ANKRD33B: variants seen among roughly 807,000 people sequenced by gnomAD.
ANKRD33B encodes the protein ankyrin repeat domain 33B.
In ANKRD33B, 6 loss-of-function variants were observed where a neutral mutation model predicts 21.5. The ratio of observed to expected loss-of-function variants is 0.28; its 90% CI spans 0.15 to 0.55. The LOEUF (loss-of-function observed/expected upper bound fraction) is 0.55. ANKRD33B is among the 20% of genes least tolerant of loss of function. The probability of loss-of-function intolerance (pLI) is 0.94; values close to 1 mark genes in which losing one functional copy is unlikely to be tolerated. For missense variants in ANKRD33B, 698 were observed against 747.2 expected (o/e 0.93, Z 0.77); for synonymous variants, 347 against 342.4 (o/e 1.01, Z -0.15).
intron 1 of ANKRD33B, among the ~76,000 whole-genome samples, chr5:10,592,432 G>A (rs1177093448): frequency 7.3e-6 from 1 of 137,182 alleles, no homozygotes; most frequent in Non-Finnish European, 1.5e-5. Context: ...GGCCAACATG[G>A]TGAAACCCCA....
At chr5:10,624,193 A>G (rs1481084531) in intron 2 of ANKRD33B, among the ~76,000 whole-genome samples, 1 of 145,792 alleles carries the variant, frequency 6.9e-6, no homozygotes, top group Non-Finnish European at 1.5e-5. Flanking sequence ...GCAGTGGCAC[A>G]ATCTCAGCTC....
intron 2 of ANKRD33B, among the ~76,000 whole-genome samples, chr5:10,637,456 A>G (rs1736896523): frequency 7.4e-6 from 1 of 134,418 alleles, no homozygotes; most frequent in South Asian, 2.9e-4. Context: ...ACACACACAC[A>G]CACACACGGC....
Position 10,638,158 on chromosome 5 carries a change from G to A in ANKRD33B, c.627G>A (p.Leu209=). The part of the protein sequence containing the change: ...MQGRTDCIRA[L]MLAGADVHAR... Reference sequence around the variant, plus strand: ...GTCGAACGGACTGCATCCGAGCCCTGATGCTAGCAGGTATGTCCACCTGTC... The same window carrying A: ...GTCGAACGGACTGCATCCGAGCCCTAATGCTAGCAGGTATGTCCACCTGTC... Residue 209 remains leucine (L), a synonymous_variant, in exon 3 of 4, where the codon CTG becomes CTA. Coordinates refer to ENST00000296657, the MANE Select transcript of ANKRD33B (RefSeq NM_001164440.2). 6.5e-7 allele frequency: 1 copy of A among 1,537,400 alleles called. No individual in the cohort carries two copies. The highest frequency in any genetic ancestry group is 8.7e-7 in the Non-Finnish European group (1 of 1,146,908).
chr5:10,609,168 T>C (rs940058659), intron 1 of ANKRD33B, among the ~76,000 whole-genome samples: 2 of 152,242 alleles, frequency 1.3e-5, no homozygotes, highest in Non-Finnish European at 2.9e-5. Flanking sequence ...TTGATTACAT[T>C]TTGAAATGGT....
chr5:10,597,112 C>T (rs1017919717), intron 1 of ANKRD33B, among the ~76,000 whole-genome samples: 9 of 152,140 alleles, frequency 5.9e-5, no homozygotes, highest in African/African-American at 1.9e-4. Context: ...AGACAAGTGA[C>T]ACTATGAGGC....
intron 1 of ANKRD33B, among the ~76,000 whole-genome samples, chr5:10,587,099 C>T (rs1209091118): frequency 6.6e-6 from 1 of 152,146 alleles, no homozygotes; most frequent in Non-Finnish European, 1.5e-5. Context: ...ACTGCAACCT[C>T]TGTCTCCTGG....
At chr5:10,618,849 G>A (rs1190292309) in intron 2 of ANKRD33B, among the ~76,000 whole-genome samples, 1 of 152,152 alleles carries the variant, frequency 6.6e-6, no homozygotes, top group Non-Finnish European at 1.5e-5. Flanking sequence ...CATGAAAGTA[G>A]ACACGTGTAG....
chr5:10,587,151 A>T (rs539542498), intron 1 of ANKRD33B, among the ~76,000 whole-genome samples: 2 of 152,240 alleles, frequency 1.3e-5, no homozygotes, highest in African/African-American at 4.8e-5. Context: ...AGTAGCTGGG[A>T]TTACAGACGC....
rs1183103326 is a variant in ANKRD33B at position 10,622,768 on chromosome 5, T to C, written c.496+4306T>C. 4.6e-5 allele frequency among the ~76,000 whole-genome samples: 7 copies of C among 151,624 alleles called. No individual in the cohort carries two copies. In the East Asian group the frequency reaches 1.4e-3, roughly 29 times the overall value. On this transcript the variant is annotated intron_variant, in intron 2 of 3. Coordinates refer to ENST00000296657, the MANE Select transcript of ANKRD33B (RefSeq NM_001164440.2). ...TTTTTGAATCTCACTGTCTTTACAGTGATCCAGGGTTGTTTTTTGTTTTTG... is the reference window on the plus strand; with the variant it reads ...TTTTTGAATCTCACTGTCTTTACAGCGATCCAGGGTTGTTTTTTGTTTTTG...
At chr5:10,647,675 C>T (rs1043206323) in intron 3 of ANKRD33B, among the ~76,000 whole-genome samples, 1 of 152,074 alleles carries the variant, frequency 6.6e-6, no homozygotes, top group African/African-American at 2.4e-5. Context: ...AAGGAATTGG[C>T]TGTGTGGTTT....
At chr5:10,579,328 C>T (rs941947821) in intron 1 of ANKRD33B, among the ~76,000 whole-genome samples, 1 of 150,512 alleles carries the variant, frequency 6.6e-6, no homozygotes, top group Non-Finnish European at 1.5e-5. Flanking sequence ...CTATCAATAA[C>T]ATCCAAGAAG....
intron 3 of ANKRD33B, among the ~76,000 whole-genome samples, chr5:10,640,093 C>T (rs1295574032): frequency 1.0e-5 from 1 of 96,636 alleles, no homozygotes; most frequent in Non-Finnish European, 2.2e-5. Context: ...GTAATGTTAG[C>T]GGGTGACGTG....
chr5:10,611,121 A>C (rs1736162642), intron 1 of ANKRD33B, among the ~76,000 whole-genome samples: 1 of 152,212 alleles, frequency 6.6e-6, no homozygotes, highest in South Asian at 2.1e-4. Flanking sequence ...AAGCAAAATC[A>C]GAGCATACAC....
At position 10,639,008 on chromosome 5, in the gene ANKRD33B, G is replaced by C. The variant is rs545223982; in HGVS notation, c.637+840G>C. Among the ~76,000 whole-genome samples, 260 of 43,620 alleles carry C rather than the reference G, an allele frequency of 6.0e-3. 5 individuals carry two copies. Among genetic ancestry groups the C allele is most frequent in the Non-Finnish European group, 7.6e-3 (180 of 23,770 alleles). 28.6% of individuals were successfully genotyped at this position (43,620 alleles called of 152,430 possible). Reference sequence around the variant, plus strand: ...ACGCGGAGTTGCGCGGCGATGTTAGGCGGTGACGCGGAGTTGCGCGGCGAT... The same window carrying C: ...ACGCGGAGTTGCGCGGCGATGTTAGCCGGTGACGCGGAGTTGCGCGGCGAT... On this transcript the variant is annotated intron_variant, in intron 3 of 3. Transcript: ENST00000296657.
At chr5:10,577,537 G>T (rs547178329) in intron 1 of ANKRD33B, among the ~76,000 whole-genome samples, 1 of 152,332 alleles carries the variant, frequency 6.6e-6, no homozygotes, top group Non-Finnish European at 1.5e-5. Flanking sequence ...GGCAGCTGTG[G>T]TGGATTCCTG....
At chr5:10,608,948 C>T (rs1736108686) in intron 1 of ANKRD33B, among the ~76,000 whole-genome samples, 2 of 152,126 alleles carry the variant, frequency 1.3e-5, no homozygotes, top group African/African-American at 2.4e-5. Context: ...AATTTGGTGC[C>T]CCAGGGCCTC....
intron 3 of ANKRD33B, among the ~76,000 whole-genome samples, chr5:10,646,302 T>C (rs564021837): frequency 9.2e-5 from 14 of 152,304 alleles, no homozygotes; most frequent in African/African-American, 3.4e-4. Flanking sequence ...ATTTCAGAAA[T>C]CCTCTGTATT....
intron 1 of ANKRD33B, among the ~76,000 whole-genome samples, chr5:10,574,849 G>GTGGC (rs1388132922): frequency 1.7e-5 from 1 of 57,380 alleles, no homozygotes; most frequent in Non-Finnish European, 5.0e-5. Flanking sequence ...GGAGGCTGAA[G>GTGGC]CGGGAGAGCT....
At chr5:10,616,709 C>T (rs1560975250) in intron 1 of ANKRD33B, among the ~76,000 whole-genome samples, 2 of 152,082 alleles carry the variant, frequency 1.3e-5, no homozygotes, top group Non-Finnish European at 1.5e-5. Context: ...TAGCTCCTGC[C>T]CTGGGTTGAA....
Sources: allele counts gnomAD v4.1 joint callset (sites outside exome capture counted in the v4.1 genomes callset), GRCh38; gene constraint gnomAD v4.1.1; transcripts MANE v1.5; gene names NCBI Gene and HGNC (gene_info 2026-07-23, HGNC 2026-07-21).